Variants in ANKH observed in about 807,000 individuals in gnomAD.
The protein encoded by ANKH is ANKH inorganic pyrophosphate transport regulator.
In ANKH, 15 loss-of-function variants were observed where a neutral mutation model predicts 49.0. The ratio of observed to expected loss-of-function variants is 0.31; its 90% CI spans 0.20 to 0.47. The LOEUF is 0.47. ANKH is among the 20% of genes least tolerant of loss of function. ANKH has a pLI of 1.00. For missense variants in ANKH, 429 were observed against 652.0 expected (o/e 0.66, Z 3.72); for synonymous variants, 273 against 260.0 (o/e 1.05, Z -0.48).
At chr5:14,809,351 A>AG (rs1181532482) in intron 1 of ANKH, among the ~76,000 whole-genome samples, 9 of 147,196 alleles carry the variant, frequency 6.1e-5, no homozygotes, top group East Asian at 6.1e-4. Flanking sequence ...AAAAAAAAAA[A>AG]AAAAAAGAAA....
intron 8 of ANKH, among the ~76,000 whole-genome samples, chr5:14,729,046 G>GA (rs1403041620): frequency 6.6e-6 from 1 of 152,072 alleles, no homozygotes; most frequent in Non-Finnish European, 1.5e-5. Context: ...GAAATGATGG[G>GA]AAAAAAGCCT....
At chr5:14,716,574 T>C in intron 9 of ANKH, 132 bp downstream of exon 9, 1 of 1,207,294 alleles carries the variant, frequency 8.3e-7, no homozygotes, top group Non-Finnish European at 1.2e-6. Context: ...CTGGCTAATG[T>C]TTTTGCATCT....
intron 4 of ANKH, among the ~76,000 whole-genome samples, chr5:14,754,801 C>T (rs945391351): frequency 6.6e-6 from 1 of 151,988 alleles, no homozygotes; most frequent in African/African-American, 2.4e-5. Context: ...TGAGACTGGG[C>T]GTGGTGGCTC....
chr5:14,843,962 AT>A (rs1160184043), intron 1 of ANKH, among the ~76,000 whole-genome samples: 3 of 152,162 alleles, frequency 2.0e-5, no homozygotes, highest in Non-Finnish European at 4.4e-5. Context: ...TGGACACCAC[AT>A]TTTTCTCTTC....
Position 14,745,838 on chromosome 5 carries a change from T to C in ANKH, c.915+32A>G. 6.3e-7 allele frequency: 1 copy of C among 1,598,436 alleles called. No homozygotes were observed. The highest frequency in any genetic ancestry group is 8.6e-7 in the Non-Finnish European group (1 of 1,165,762). ...CTATCAAGAAGTCATTTCAAAAGCA[T>C]GTTTCAGACACGACACCGCACGGGT... On this transcript the variant is annotated intron_variant, in intron 7 of 11. Coordinates refer to ENST00000284268, the MANE Select transcript of ANKH (RefSeq NM_054027.6). This position sits in a 1 kb window ranked among gnomAD's most constrained non-coding sequence, Gnocchi z 4.7.
In ANKH at chr5:14,778,644, C is replaced by T. The variant is rs180899029; in HGVS notation, c.97-9453G>A. ...AACTTCATTAAGCTTGTCACTCTCT[C>T]GACTCCCCACTTTCCCTCTCATCGC... On this transcript the variant is annotated intron_variant, in intron 1 of 11. Transcript: ENST00000284268. Among the ~76,000 whole-genome samples, 6 of 152,312 alleles carry T rather than the reference C, an allele frequency of 3.9e-5. No homozygotes were observed. The East Asian group carries it at 9.6e-4, about 24-fold the overall frequency.
rs1047644525 is a variant in ANKH, at chr5:14,831,529, G to A, written c.96+39823C>T. Among the ~76,000 whole-genome samples the A allele has an allele frequency of 3.3e-5, 5 of 152,244 alleles. No homozygotes were observed. The East Asian group carries it at 5.8e-4, about 18-fold the overall frequency. The stretch of plus-strand genomic sequence containing the variant: ...CAGTTCCATGATCCCCCTGGGGGAC[G>A]ACGGGGGGCCTTTACTGTATTTATA... On this transcript the variant is annotated intron_variant, in intron 1 of 11. Transcript: ENST00000284268.
chr5:14,786,043 C>T (rs1188129856), intron 1 of ANKH, among the ~76,000 whole-genome samples: 1 of 79,404 alleles, frequency 1.3e-5, no homozygotes, highest in Non-Finnish European at 2.3e-5. Flanking sequence ...GAGACTCTGT[C>T]TCAAAAAAAA....
At chr5:14,838,799 C>T (rs1167294228) in intron 1 of ANKH, among the ~76,000 whole-genome samples, 3 of 152,076 alleles carry the variant, frequency 2.0e-5, no homozygotes, top group African/African-American at 7.2e-5. Flanking sequence ...CAAAACACTC[C>T]GTGGTGTGAA....
At chr5:14,731,234 GGA>G (rs1328356211) in intron 8 of ANKH, among the ~76,000 whole-genome samples, 2 of 152,182 alleles carry the variant, frequency 1.3e-5, no homozygotes, top group African/African-American at 4.8e-5. Flanking sequence ...TGGCTAGGAG[GGA>G]GAGGCGGGCT....
rs971749457 is a variant in ANKH, at chr5:14,774,579, A to G, written c.97-5388T>C. On this transcript the variant is annotated intron_variant, in intron 1 of 11. Transcript: ENST00000284268. ...CAGCCTCCCGAGTAGCTAGGATTAC[A>G]GGCACCCACCACAACGCCTGGCTAA... Among the ~76,000 whole-genome samples, 3 of 152,272 alleles carry G rather than the reference A, an allele frequency of 2.0e-5. No homozygotes were observed. The East Asian group carries it at 5.8e-4, about 29-fold the overall frequency.
intron 2 of ANKH, among the ~76,000 whole-genome samples, chr5:14,761,863 T>G (rs537463542): frequency 6.6e-6 from 1 of 151,932 alleles, no homozygotes; most frequent in East Asian, 1.9e-4. Flanking sequence ...CCTCCTGGGT[T>G]CAAGCAATTC....
intron 1 of ANKH, among the ~76,000 whole-genome samples, chr5:14,778,951 T>C (rs1444017574): frequency 6.6e-6 from 1 of 152,176 alleles, no homozygotes; most frequent in African/African-American, 2.4e-5. Context: ...GTCTTTCCCA[T>C]TCCCTGCTCT....
At chr5:14,816,542 T>C (rs1408973687) in intron 1 of ANKH, among the ~76,000 whole-genome samples, 2 of 152,172 alleles carry the variant, frequency 1.3e-5, no homozygotes, top group Non-Finnish European at 2.9e-5. Context: ...AAATAAATCA[T>C]GATCATCTTA....
At chr5:14,750,786 T>A (rs1205483178) in intron 5 of ANKH, among the ~76,000 whole-genome samples, 1 of 152,182 alleles carries the variant, frequency 6.6e-6, no homozygotes, top group Non-Finnish European at 1.5e-5. Context: ...AGAAAAACCA[T>A]GAATGTCGTA....
At chr5:14,730,917 G>A (rs989227908) in intron 8 of ANKH, among the ~76,000 whole-genome samples, 1 of 152,196 alleles carries the variant, frequency 6.6e-6, no homozygotes, top group African/African-American at 2.4e-5. Flanking sequence ...GGTGGGGTAG[G>A]CTCTGGCGGG....
intron 1 of ANKH, among the ~76,000 whole-genome samples, chr5:14,865,027 G>A (rs1042544444): frequency 1.3e-5 from 2 of 152,162 alleles, no homozygotes; most frequent in Non-Finnish European, 1.5e-5. Context: ...TTGGGAGGCC[G>A]AGGCAGGGGG....
At chr5:14,857,249 T>C (rs951279141) in intron 1 of ANKH, among the ~76,000 whole-genome samples, 1 of 152,168 alleles carries the variant, frequency 6.6e-6, no homozygotes. Context: ...GTAAAACCAA[T>C]ACAGCCCCTG....
intron 1 of ANKH, among the ~76,000 whole-genome samples, chr5:14,803,857 T>G (rs1740630388): frequency 6.6e-6 from 1 of 152,198 alleles, no homozygotes; most frequent in Non-Finnish European, 1.5e-5. Flanking sequence ...CATTTGGTCC[T>G]GTGATCACCT....
Sources: allele counts gnomAD v4.1 joint callset (sites outside exome capture counted in the v4.1 genomes callset), GRCh38; gene constraint gnomAD v4.1.1; non-coding constraint Gnocchi (gnomAD v3.1); transcripts MANE v1.5; gene names NCBI Gene and HGNC (gene_info 2026-07-23, HGNC 2026-07-21).